The following PHLDB2 variants were observed in gnomAD, a reference collection of about 807,000 sequenced individuals.
PHLDB2 encodes the protein pleckstrin homology like domain family B member 2.
A neutral mutation model predicts 123.6 loss-of-function variants in PHLDB2; 71 were observed. The ratio of observed to expected loss-of-function variants is 0.57; its 90% CI spans 0.47 to 0.70. PHLDB2 has a LOEUF of 0.70. PHLDB2 is among the 30% of genes least tolerant of loss of function. The pLI, the probability that PHLDB2 is intolerant of heterozygous loss-of-function variation, is 0.00. For synonymous variants in PHLDB2, 547 were observed against 541.6 expected, an observed-to-expected ratio of 1.01 and a Z score of -0.14; for missense variants, 1,446 against 1,519.5, an observed-to-expected ratio of 0.95 and a Z score of 0.80.
At chr3:111,743,041 C>T (rs933051570) in intron 1 of PHLDB2, among the ~76,000 whole-genome samples, 1 of 152,124 alleles carries the variant, frequency 6.6e-6, no homozygotes, top group African/African-American at 2.4e-5. Context: ...GACGGGTGCT[C>T]CCCAACTACC....
Position 111,845,081 on chromosome 3 carries a change from G to A in PHLDB2, c.-48-740G>A, listed in dbSNP as rs879702114. On this transcript the variant is annotated intron_variant, in intron 1 of 17. Transcript: ENST00000393923. The stretch of plus-strand genomic sequence containing the variant: ...CTATAATATAGAATTTGTGCCGGGA[G>A]CAGTGGCTCATGCCTGTAATCCCAG... 3.9e-5 allele frequency among the ~76,000 whole-genome samples: 6 copies of A among 152,100 alleles called. No individual in the cohort carries two copies. In the East Asian group the frequency reaches 1.2e-3, roughly 29 times the overall value.
chr3:111,742,421 A>G (rs1220332172), intron 1 of PHLDB2, among the ~76,000 whole-genome samples: 1 of 151,950 alleles, frequency 6.6e-6, no homozygotes, highest in Admixed American at 6.6e-5. Flanking sequence ...TTAACTCGTC[A>G]TTTACATTAG....
chr3:111,798,608 G>A (rs2108250402), intron 1 of PHLDB2, among the ~76,000 whole-genome samples: 1 of 152,022 alleles, frequency 6.6e-6, no homozygotes, highest in South Asian at 2.1e-4. Flanking sequence ...AGCCCAGGAG[G>A]CCAAGGCTGC....
At chr3:111,928,062 T>C (rs2068909357) in intron 5 of PHLDB2, among the ~76,000 whole-genome samples, 1 of 152,380 alleles carries the variant, frequency 6.6e-6, no homozygotes, top group Non-Finnish European at 1.5e-5. Flanking sequence ...TTAACAATCC[T>C]GATCATTTTT....
At chr3:111,931,730 G>A (rs1433466288) in intron 5 of PHLDB2, among the ~76,000 whole-genome samples, 1 of 152,174 alleles carries the variant, frequency 6.6e-6, no homozygotes, top group Non-Finnish European at 1.5e-5. Context: ...TTTCCAGATA[G>A]CTAGAACTGT....
At chr3:111,776,224 G>A (rs1308839006) in intron 1 of PHLDB2, among the ~76,000 whole-genome samples, 2 of 152,042 alleles carry the variant, frequency 1.3e-5, no homozygotes, top group Admixed American at 6.6e-5. Flanking sequence ...CCCCTTTATC[G>A]TATAAACTCT....
At chr3:111,825,204 C>T (rs1280680822) in intron 1 of PHLDB2, among the ~76,000 whole-genome samples, 1 of 152,158 alleles carries the variant, frequency 6.6e-6, no homozygotes, top group Non-Finnish European at 1.5e-5. Context: ...GACAATTGAG[C>T]AAACATACAA....
intron 12 of PHLDB2, among the ~76,000 whole-genome samples, chr3:111,956,734 A>T (rs1276117042): frequency 6.6e-6 from 1 of 152,214 alleles, no homozygotes; most frequent in Non-Finnish European, 1.5e-5. Flanking sequence ...TAGTTCTTAG[A>T]ACCCCAGCAG....
At chr3:111,803,497 A>G (rs2061456789) in intron 1 of PHLDB2, among the ~76,000 whole-genome samples, 1 of 151,838 alleles carries the variant, frequency 6.6e-6, no homozygotes, top group Non-Finnish European at 1.5e-5. Context: ...GTCTTCCCAG[A>G]ATTCGAGCTG....
exon 2 of PHLDB2, chr3:111,845,843 C>T (rs748544895): frequency 1.2e-6 from 2 of 1,614,010 alleles, no homozygotes; most frequent in East Asian, 2.2e-5. Context: ...CCCAGTTTAT[C>T]CTTTGAGATT....
intron 12 of PHLDB2, among the ~76,000 whole-genome samples, chr3:111,956,676 C>T (rs946322655): frequency 4.6e-5 from 7 of 152,128 alleles, no homozygotes; most frequent in Admixed American, 6.6e-5. Flanking sequence ...GAAAAGACAG[C>T]CTGCTGCCTT....
At chr3:111,973,923 T>C (rs2072384169) in intron 17 of PHLDB2, 106 bp downstream of exon 17, 1 of 674,966 alleles carries the variant, frequency 1.5e-6, no homozygotes, top group Non-Finnish European at 2.6e-6. Flanking sequence ...ATGTAACAGA[T>C]AGATATGATC....
At chr3:111,831,587 A>G (rs958611983) in intron 1 of PHLDB2, among the ~76,000 whole-genome samples, 1 of 152,186 alleles carries the variant, frequency 6.6e-6, no homozygotes, top group Non-Finnish European at 1.5e-5. Context: ...TAATGTGCTT[A>G]CCCTATATTT....
At chr3:111,850,835 C>T (rs925472053) in intron 2 of PHLDB2, among the ~76,000 whole-genome samples, 1 of 152,122 alleles carries the variant, frequency 6.6e-6, no homozygotes, top group Non-Finnish European at 1.5e-5. Flanking sequence ...GAAATAAATG[C>T]TTCAAACAAC....
chr3:111,829,807 A>G (rs1027076916), intron 1 of PHLDB2, among the ~76,000 whole-genome samples: 4 of 152,072 alleles, frequency 2.6e-5, no homozygotes, highest in Non-Finnish European at 5.9e-5. Flanking sequence ...TTATTTAACT[A>G]GGTTCTAGAA....
At chr3:111,761,989 A>G (rs563346448) in intron 1 of PHLDB2, among the ~76,000 whole-genome samples, 2 of 152,308 alleles carry the variant, frequency 1.3e-5, no homozygotes, top group Non-Finnish European at 2.9e-5. Context: ...TAAAAGGGGC[A>G]CTGCTAAAAG....
At chr3:111,749,319 CA>C (rs371521718) in intron 1 of PHLDB2, among the ~76,000 whole-genome samples, 24 of 147,366 alleles carry the variant, frequency 1.6e-4, no homozygotes, top group South Asian at 1.5e-3. Context: ...AAATTGGTAC[CA>C]AAAAAAAAAT....
chr3:111,827,720 A>G (rs553069911), intron 1 of PHLDB2, among the ~76,000 whole-genome samples: 12 of 150,874 alleles, frequency 8.0e-5, no homozygotes, highest in Non-Finnish European at 1.6e-4. Flanking sequence ...AGGAAAGACC[A>G]AAAACTGAGC....
At chr3:111,849,352 T>G (rs1296194987) in intron 2 of PHLDB2, among the ~76,000 whole-genome samples, 9 of 152,062 alleles carry the variant, frequency 5.9e-5, no homozygotes, top group Non-Finnish European at 1.3e-4. Flanking sequence ...AAAAAATTTT[T>G]TAGAGAAGGG....
Sources: gnomAD v4.1 joint callset for allele counts (sites outside exome capture counted in the v4.1 genomes callset) on GRCh38, gnomAD v4.1.1 for gene constraint, MANE v1.5 for transcripts, NCBI Gene and HGNC (gene_info 2026-07-23, HGNC 2026-07-21) for gene names.